STX7: variants seen among roughly 807,000 people sequenced by gnomAD.
STX7 encodes syntaxin 7, also known as syntaxin-7.
Under a neutral mutation model 39.6 loss-of-function variants are expected in STX7, and 34 were observed. The ratio of observed to expected loss-of-function variants is 0.86; its 90% CI spans 0.65 to 1.14. The LOEUF (loss-of-function observed/expected upper bound fraction) is 1.14, where lower values mean the gene tolerates loss of function less well. Ranked by LOEUF, STX7 falls within the 50% of genes most tolerant of loss-of-function variation. The probability of loss-of-function intolerance (pLI) is 0.00; values close to 1 mark genes in which losing one functional copy is unlikely to be tolerated. For missense variants in STX7, 284 were observed against 310.4 expected, an observed-to-expected ratio of 0.92 and a Z score of 0.64; for synonymous variants, 119 against 99.1, an observed-to-expected ratio of 1.20 and a Z score of -1.19.
chr6:132,471,623 C>T (rs374427927), intron 4 of STX7, 23 bp from the exon 5 acceptor site: 1 of 1,605,918 alleles, frequency 6.2e-7, no homozygotes, highest in South Asian at 1.1e-5. Flanking sequence ...GAAGAAAAAG[C>T]CAACTAGAAT....
Position 132,475,029 on chromosome 6 carries a change from T to C in STX7, c.155+564A>G, listed in dbSNP as rs1442695597. On this transcript the variant is annotated intron_variant, in intron 3 of 9. Transcript: ENST00000367941. ...AATCACATAAATTGAGATACTAGAGTATAATTTTTCAACAGCTGTCAAAAA... is the reference window on the plus strand; with the variant it reads ...AATCACATAAATTGAGATACTAGAGCATAATTTTTCAACAGCTGTCAAAAA... Among the ~76,000 whole-genome samples, 5 of 152,128 alleles carry C rather than the reference T, an allele frequency of 3.3e-5. No homozygotes were observed. The East Asian group carries it at 9.6e-4, about 29-fold the overall frequency.
intron 2 of STX7, among the ~76,000 whole-genome samples, chr6:132,497,702 T>C (rs1775450882): frequency 6.6e-6 from 1 of 152,194 alleles, no homozygotes; most frequent in African/African-American, 2.4e-5. Flanking sequence ...ATGGCCCTTG[T>C]GAAAATGCCT....
chr6:132,507,399 T>G (rs1273998071), intron 1 of STX7, among the ~76,000 whole-genome samples: 1 of 152,248 alleles, frequency 6.6e-6, no homozygotes, highest in Non-Finnish European at 1.5e-5. Context: ...CATTGTACAA[T>G]CATCACTTTT....
intron 7 of STX7, 84 bp downstream of exon 7, chr6:132,469,867 C>G (rs1774668486): frequency 7.0e-6 from 8 of 1,145,356 alleles, no homozygotes; most frequent in Non-Finnish European, 8.6e-6. Flanking sequence ...CTGTCTCATG[C>G]ATTCTCCCAG....
intron 8 of STX7, 65 bp from the exon 9 acceptor site, chr6:132,464,140 C>G: frequency 7.1e-7 from 1 of 1,415,786 alleles, no homozygotes; most frequent in Non-Finnish European, 1.0e-6. Context: ...TAACAAATCA[C>G]TAAATTTCAT....
chr6:132,496,491 TTGG>T (rs1208953101), intron 2 of STX7, among the ~76,000 whole-genome samples: 2 of 152,182 alleles, frequency 1.3e-5, no homozygotes, highest in Non-Finnish European at 2.9e-5. Context: ...TACATAAGCC[TTGG>T]TGGAACTCTA....
At chr6:132,500,127 C>G (rs925327447) in intron 2 of STX7, among the ~76,000 whole-genome samples, 1 of 152,186 alleles carries the variant, frequency 6.6e-6, no homozygotes, top group Non-Finnish European at 1.5e-5. Context: ...TCTGTGATGA[C>G]CAGCATACCT....
chr6:132,505,881 T>C (rs949578811), intron 1 of STX7, among the ~76,000 whole-genome samples: 1 of 151,618 alleles, frequency 6.6e-6, no homozygotes, highest in African/African-American at 2.4e-5. Flanking sequence ...ATGATATTCA[T>C]ATAAAAACAG....
rs1774314111 is a variant in STX7, at chr6:132,458,784, CA to C, written c.*1973del. On this transcript the variant is annotated 3_prime_UTR_variant, in exon 10 of 10. Transcript: ENST00000367941. ...CCTCAAACTTAATATGTTTCTTAAA[CA>C]AATTGAAGCCACTAAAGTTCCTGTT... 1 of 152,038 alleles carries C rather than the reference CA, an allele frequency of 6.6e-6. No individual in the cohort carries two copies. The highest frequency in any genetic ancestry group is 1.5e-5 in the Non-Finnish European group (1 of 68,010). 9.4% of individuals were successfully genotyped at this position (152,038 alleles called of 1,614,324 possible).
intron 3 of STX7, among the ~76,000 whole-genome samples, chr6:132,473,517 G>GTTTTTTTTTTTTTTTTTTT (rs752590497): frequency 1.4e-4 from 17 of 125,774 alleles, no homozygotes; most frequent in African/African-American, 2.1e-4. Context: ...TTATTATTGT[G>GTTTTTTTTTTTTTTTTTTT]TTGTTTTTTT....
At chr6:132,465,926 C>G (rs146957622) in intron 8 of STX7, among the ~76,000 whole-genome samples, 1,989 of 152,300 alleles carry the variant, frequency 0.013, 41 homozygotes, top group African/African-American at 0.045. Context: ...ATTTCTTTCC[C>G]TGGTAGATCA....
At chr6:132,508,055 A>G (rs1775751935) in intron 1 of STX7, among the ~76,000 whole-genome samples, 1 of 152,226 alleles carries the variant, frequency 6.6e-6, no homozygotes, top group Admixed American at 6.5e-5. Flanking sequence ...GCCCACTGCC[A>G]GAATCAAAAT....
rs1774079103 is a variant in STX7, at chr6:132,448,861, G to A, written c.*11897C>T. Reference sequence around the variant, plus strand: ...TCAAAAAAAAAAAAAAAAAAAAAAGGTCTGTCAATTCGTTATTCCTTTAAA... The same window carrying A: ...TCAAAAAAAAAAAAAAAAAAAAAAGATCTGTCAATTCGTTATTCCTTTAAA... On this transcript the variant is annotated 3_prime_UTR_variant, in exon 10 of 10. Transcript: ENST00000367941. The A allele has an allele frequency of 6.9e-6, 1 of 145,782 alleles. No homozygotes were observed. The highest frequency in any genetic ancestry group is 2.5e-5 in the African/African-American group (1 of 39,706). The allele number at this position is 145,782 out of a possible 1,614,324, so 9.0% of individuals were successfully genotyped here. A position where few individuals can be genotyped will look rare whatever the true frequency, so the allele number is the denominator to read the frequency against.
In STX7 at chr6:132,498,742, G is replaced by C. The variant is rs535964941; in HGVS notation, c.85+4704C>G. Among the ~76,000 whole-genome samples the C allele has an allele frequency of 1.2e-4, 18 of 152,284 alleles. No homozygotes were observed. In the South Asian group the frequency reaches 3.5e-3, roughly 30 times the overall value. On this transcript the variant is annotated intron_variant, in intron 2 of 9. Coordinates refer to ENST00000367941, the MANE Select transcript of STX7 (RefSeq NM_003569.3). ...TACCAAATGGGGAAAAAAGTGAACT[G>C]AAATTTCACACTTCTGCCTTTCACT...
At position 132,454,191 on chromosome 6, in the gene STX7, A is replaced by G. The variant is rs1774197922; in HGVS notation, c.*6567T>C. Reference sequence around the variant, plus strand: ...AGCCAATCCCAAAAGGTTACATATTATTATGATTCCAGTTATACAGCTTTA... The same window carrying G: ...AGCCAATCCCAAAAGGTTACATATTGTTATGATTCCAGTTATACAGCTTTA... On this transcript the variant is annotated 3_prime_UTR_variant, in exon 10 of 10. Transcript: ENST00000367941. 6.6e-6 allele frequency: 1 copy of G among 151,746 alleles called. No individual in the cohort carries two copies. The highest frequency in any genetic ancestry group is 1.5e-5 in the Non-Finnish European group (1 of 67,942). The allele number at this position is 151,746 out of a possible 1,614,324, so 9.4% of individuals were successfully genotyped here.
intron 1 of STX7, among the ~76,000 whole-genome samples, 186 bp downstream of exon 1, chr6:132,512,821 G>A (rs1294366165): frequency 4.6e-5 from 7 of 152,170 alleles, no homozygotes; most frequent in Admixed American, 4.6e-4. Flanking sequence ...GCCGGGGGGC[G>A]TGGGGAGCCG....
intron 8 of STX7, 115 bp from the exon 9 acceptor site, chr6:132,464,190 T>C (rs1331233857): frequency 2.0e-6 from 2 of 1,020,628 alleles, no homozygotes; most frequent in Admixed American, 1.9e-5. Context: ...CAAAGGTTAA[T>C]AGTAGTATAT....
intron 2 of STX7, among the ~76,000 whole-genome samples, chr6:132,487,882 A>C (rs1775178396): frequency 6.6e-6 from 1 of 151,480 alleles, no homozygotes; most frequent in Admixed American, 6.6e-5. Flanking sequence ...GGTTTCATTG[A>C]TTTTTTTTCT....
At position 132,460,792 on chromosome 6, in the gene STX7, A is replaced by C. The variant is rs368749896; in HGVS notation, c.752T>G (p.Ile251Ser). ...CAATCCCCATATGATGAGACTGATA[A>C]TCGCAACTCCAATGACAAGGATAAG... is the stretch of plus-strand genomic sequence containing the variant. ...IILILVIGVA[I>S]ISLIIWGLNH The change falls in exon 10 of 10, where the codon ATT (isoleucine) becomes AGT (serine). Residue 251 changes from isoleucine to serine, a missense_variant. By Grantham distance (142) the Ile-to-Ser change is moderately radical. Transcript: ENST00000367941. 2.5e-6 allele frequency: 4 copies of C among 1,613,624 alleles called. No homozygotes were observed. The highest frequency in any genetic ancestry group is 3.4e-6 in the Non-Finnish European group (4 of 1,179,822).
Sources: allele counts gnomAD v4.1 joint callset (sites outside exome capture counted in the v4.1 genomes callset), GRCh38; gene constraint gnomAD v4.1.1; transcripts MANE v1.5; gene names NCBI Gene and HGNC (gene_info 2026-07-23, HGNC 2026-07-21).